PLCB4: variants seen among roughly 807,000 people sequenced by gnomAD.
The protein encoded by PLCB4 is phospholipase C beta 4.
Under a neutral mutation model 178.8 loss-of-function variants are expected in PLCB4, and 77 were observed. The ratio of observed to expected loss-of-function variants is 0.43; its 90% confidence interval spans 0.36 to 0.52. The LOEUF (loss-of-function observed/expected upper bound fraction) is 0.52. PLCB4 is among the 20% of genes least tolerant of loss of function. The probability of loss-of-function intolerance (pLI) is 0.00; values close to 1 mark genes in which losing one functional copy is unlikely to be tolerated. For missense variants in PLCB4, 1,024 were observed against 1,453.4 expected (o/e 0.70, Z 4.80); for synonymous variants, 496 against 490.8 (o/e 1.01, Z -0.14).
At chr20:9,149,898 T>C (rs1044307088) in intron 2 of PLCB4, among the ~76,000 whole-genome samples, 1 of 152,162 alleles carries the variant, frequency 6.6e-6, no homozygotes, top group Non-Finnish European at 1.5e-5. Flanking sequence ...GAGGGAGAAG[T>C]TGAACTGCAG....
At position 9,393,641 on chromosome 20, in the gene PLCB4, C is replaced by T. The variant is rs1247289391; in HGVS notation, c.1377C>T (p.Leu459=). Residue 459 remains leucine (L), a synonymous_variant, in exon 18 of 40, where the codon CTC becomes CTT. Transcript: ENST00000378473. ...PSPNDLKRKI[L]IKNKRLKPEV... ...CCAATGACCTCAAAAGAAAAATACTCATAAAAAACAAGCGGCTGAAACCTG... is the reference window on the plus strand; with the variant it reads ...CCAATGACCTCAAAAGAAAAATACTTATAAAAAACAAGCGGCTGAAACCTG... 3.7e-6 allele frequency: 6 copies of T among 1,612,968 alleles called. No individual in the cohort carries two copies. The highest frequency in any genetic ancestry group is 5.1e-6 in the Non-Finnish European group (6 of 1,179,232).
At chr20:9,307,518 C>T (rs888195556) in intron 3 of PLCB4, among the ~76,000 whole-genome samples, 33 of 150,418 alleles carry the variant, frequency 2.2e-4, no homozygotes, top group African/African-American at 5.4e-4. Flanking sequence ...CACACACACA[C>T]ACACACACAC....
chr20:9,238,726 A>G (rs1414616798), intron 3 of PLCB4, among the ~76,000 whole-genome samples: 1 of 152,232 alleles, frequency 6.6e-6, no homozygotes, highest in Non-Finnish European at 1.5e-5. Context: ...ATTAGGTTAT[A>G]TTTGAGAAAC....
chr20:9,337,998 C>T lies in PLCB4; in HGVS notation c.166-10C>T. ...TAAGCTCATTGCTGTGTTGTATTCT[C>T]TCTCTTCAGGAAGGACAGGTGCTAG... On this transcript the variant is annotated splice_polypyrimidine_tract_variant and intron_variant, in intron 5 of 39. Coordinates refer to ENST00000378473, the MANE Select transcript of PLCB4 (RefSeq NM_001377142.1). 1 of 1,607,982 alleles carries T rather than the reference C, an allele frequency of 6.2e-7. No individual in the cohort carries two copies. Among genetic ancestry groups the T allele is most frequent in the Non-Finnish European group, 8.5e-7 (1 of 1,174,702 alleles).
intron 33 of PLCB4, among the ~76,000 whole-genome samples, chr20:9,454,658 T>C (rs1027326907): frequency 3.9e-5 from 6 of 152,228 alleles, no homozygotes; most frequent in Non-Finnish European, 7.3e-5. Flanking sequence ...ATGTTAGTTA[T>C]AATTTTCTTG....
At chr20:9,303,947 TTG>T (rs1157407805) in intron 3 of PLCB4, among the ~76,000 whole-genome samples, 2 of 152,108 alleles carry the variant, frequency 1.3e-5, no homozygotes, top group South Asian at 2.1e-4. Flanking sequence ...ATTGTAAATG[TTG>T]TGAGTTTGTG....
At chr20:9,333,944 ATACT>A (rs1424478944) in intron 4 of PLCB4, among the ~76,000 whole-genome samples, 7 of 152,204 alleles carry the variant, frequency 4.6e-5, no homozygotes, top group African/African-American at 1.7e-4. Flanking sequence ...AGTTATGGAC[ATACT>A]TATTTCAAGA....
At chr20:9,206,190 G>T (rs1300292834) in intron 2 of PLCB4, among the ~76,000 whole-genome samples, 1 of 151,672 alleles carries the variant, frequency 6.6e-6, no homozygotes, top group Non-Finnish European at 1.5e-5. Context: ...TTTAAATCAG[G>T]TTATTTGGAA....
chr20:9,415,982 C>T (rs2040216839), intron 25 of PLCB4, among the ~76,000 whole-genome samples: 1 of 152,200 alleles, frequency 6.6e-6, no homozygotes, highest in South Asian at 2.1e-4. Context: ...ACAGATGCTC[C>T]TTTGACCTTC....
Position 9,412,239 on chromosome 20 carries a change from G to A in PLCB4, c.2051+1151G>A, listed in dbSNP as rs6039461. 5.5e-3 allele frequency among the ~76,000 whole-genome samples: 841 copies of A among 152,246 alleles called. 6 individuals are homozygous for A. Among genetic ancestry groups the A allele is most frequent in the African/African-American group, 0.019 (781 of 41,536 alleles). On this transcript the variant is annotated intron_variant, in intron 25 of 39. Coordinates refer to ENST00000378473, the MANE Select transcript of PLCB4 (RefSeq NM_001377142.1). ...AGTGTTCCAACCCAGGAGATTTTGC[G>A]CATAAATTGCTTTGTAGACCTCCTC...
At chr20:9,154,289 G>A (rs1359385443) in intron 2 of PLCB4, among the ~76,000 whole-genome samples, 1 of 152,182 alleles carries the variant, frequency 6.6e-6, no homozygotes, top group Non-Finnish European at 1.5e-5. Context: ...ACATCTCAGT[G>A]CAGGAGAGCC....
intron 2 of PLCB4, among the ~76,000 whole-genome samples, chr20:9,113,782 T>G (rs1388006533): frequency 6.6e-6 from 1 of 152,186 alleles, no homozygotes; most frequent in East Asian, 1.9e-4. Context: ...TGCATTAATG[T>G]AGAAATCTAG....
chr20:9,338,159 A>G (rs1601934298), intron 6 of PLCB4, 92 bp downstream of exon 6: 2 of 812,440 alleles, frequency 2.5e-6, no homozygotes, highest in Non-Finnish European at 2.1e-6. Flanking sequence ...CACTCTTTGT[A>G]TCCAGGCTAC....
intron 4 of PLCB4, among the ~76,000 whole-genome samples, chr20:9,328,990 G>A (rs940717919): frequency 3.9e-5 from 6 of 152,132 alleles, no homozygotes; most frequent in Non-Finnish European, 5.9e-5. Flanking sequence ...ATGAAAGATC[G>A]GTTGGAGGAG....
chr20:9,342,967 T>C (rs962182174), intron 7 of PLCB4, among the ~76,000 whole-genome samples: 1 of 152,160 alleles, frequency 6.6e-6, no homozygotes, highest in Non-Finnish European at 1.5e-5. Flanking sequence ...TGACAATAAA[T>C]AGGTTTGAAA....
At position 9,130,849 on chromosome 20, in the gene PLCB4, C is replaced by A. The variant is rs1249949895; in HGVS notation, c.-79+34507C>A. ...CATTGTTTCTCTGTGCCAACACAGA[C>A]CATCATATTCATTATGTCCATCAAA... is the stretch of plus-strand genomic sequence containing the variant. On this transcript the variant is annotated intron_variant, in intron 2 of 39. Transcript: ENST00000378473. Among the ~76,000 whole-genome samples the A allele has an allele frequency of 2.6e-5, 4 of 152,134 alleles. No homozygotes were observed. The East Asian group carries it at 7.7e-4, about 29-fold the overall frequency.
intron 7 of PLCB4, 111 bp downstream of exon 7, chr20:9,339,148 G>C: frequency 1.2e-6 from 1 of 822,996 alleles, no homozygotes; most frequent in Non-Finnish European, 1.9e-6. Flanking sequence ...TAATTTAAAA[G>C]TTAGCATTGC....
At chr20:9,081,549 C>T (rs900387398) in intron 1 of PLCB4, among the ~76,000 whole-genome samples, 1 of 152,142 alleles carries the variant, frequency 6.6e-6, no homozygotes, top group Non-Finnish European at 1.5e-5. Context: ...CCTGTAAAGC[C>T]TTCCTTGATT....
chr20:9,112,304 G>A (rs913024114), intron 2 of PLCB4, among the ~76,000 whole-genome samples: 5 of 146,218 alleles, frequency 3.4e-5, no homozygotes, highest in Admixed American at 1.4e-4. Context: ...TGCCCAGGCC[G>A]CAGTACAGTG....
Sources: allele counts gnomAD v4.1 joint callset (sites outside exome capture counted in the v4.1 genomes callset), GRCh38; gene constraint gnomAD v4.1.1; transcripts MANE v1.5; gene names NCBI Gene and HGNC (gene_info 2026-07-23, HGNC 2026-07-21).